ETNK2: variants seen among roughly 807,000 people sequenced by gnomAD.
ETNK2 encodes ethanolamine kinase 2.
Under a neutral mutation model 46.2 loss-of-function variants are expected in ETNK2, and 33 were observed. That is an observed-to-expected ratio of 0.71 (90% confidence interval 0.54 to 0.96). The LOEUF (loss-of-function observed/expected upper bound fraction) is 0.96. Among genes scored for constraint, ETNK2 ranks in the 40% least tolerant of loss-of-function variants. The pLI is 0.00. For missense variants in ETNK2, 445 were observed against 509.7 expected, an observed-to-expected ratio of 0.87 and a Z score of 1.22; for synonymous variants, 194 against 209.0, an observed-to-expected ratio of 0.93 and a Z score of 0.62.
intron 2 of ETNK2, chr1:204,147,649 A>C (rs557674071): frequency 8.3e-6 from 4 of 483,324 alleles, no homozygotes; most frequent in Admixed American, 2.2e-5. Flanking sequence ...TCACTGGGAA[A>C]GACAACAAAG....
intron 3 of ETNK2, among the ~76,000 whole-genome samples, chr1:204,143,630 G>T (rs1344651676): frequency 1.3e-5 from 2 of 152,222 alleles, no homozygotes; most frequent in East Asian, 3.8e-4. Flanking sequence ...AGGAGGGGAA[G>T]GAAGGGGCTG....
At position 204,137,153 on chromosome 1, in the gene ETNK2, GTC is replaced by G; in HGVS notation, c.963_964del (p.Thr322ProfsTer38). Reference sequence around the variant, plus strand: ...GTAGAGCCTTTGCACCTCCCTGGGGGTCACGGCCATCCCCTTTTGTGCCTGCA... The same window carrying G: ...GTAGAGCCTTTGCACCTCCCTGGGGGACGGCCATCCCCTTTTGTGCCTGCA... On this transcript the variant is annotated frameshift_variant, in exon 6 of 8. Transcript: ENST00000367202. LOFTEE classifies it high-confidence loss of function. 1 of 1,613,958 alleles carries G rather than the reference GTC, an allele frequency of 6.2e-7. No individual in the cohort carries two copies. Among genetic ancestry groups the G allele is most frequent in the Non-Finnish European group, 8.5e-7 (1 of 1,179,842 alleles).
rs1657943562 is a variant in ETNK2 at position 204,149,981 on chromosome 1, A to G, written c.259-19T>C. Reference sequence around the variant, plus strand: ...TGAAGCGCTAGCATGGGGAGAGGACAGTGCGTGGGTGGGTGGGTGGGGCAG... The same window carrying G: ...TGAAGCGCTAGCATGGGGAGAGGACGGTGCGTGGGTGGGTGGGTGGGGCAG... On this transcript the variant is annotated intron_variant, in intron 1 of 7. Coordinates refer to ENST00000367202, the MANE Select transcript of ETNK2 (RefSeq NM_018208.4). 1.7e-5 allele frequency: 2 copies of G among 116,570 alleles called. No individual in the cohort carries two copies. Among genetic ancestry groups the G allele is most frequent in the Non-Finnish European group, 3.5e-5 (2 of 56,712 alleles). 7.2% of individuals were successfully genotyped at this position (116,570 alleles called of 1,614,324 possible). A position where few individuals can be genotyped will look rare whatever the true frequency, so the allele number is the denominator to read the frequency against.
intron 3 of ETNK2, among the ~76,000 whole-genome samples, chr1:204,144,724 A>G (rs113944737): frequency 0.059 from 8,924 of 151,402 alleles, 322 homozygotes; most frequent in South Asian, 0.12. Context: ...CCCCGCCCCC[A>G]AACCCTTCCC....
At chr1:204,136,732 G>T (rs1244042061) in intron 6 of ETNK2, among the ~76,000 whole-genome samples, 1 of 148,480 alleles carries the variant, frequency 6.7e-6, no homozygotes, top group Non-Finnish European at 1.5e-5. Flanking sequence ...AAAAAAAAAA[G>T]TATATATACA....
chr1:204,151,697 C>G lies in ETNK2; in HGVS notation c.156G>C (p.Ala52=). 6.5e-7 allele frequency: 1 copy of G among 1,545,564 alleles called. No individual in the cohort carries two copies. The change falls in exon 1 of 8, where the codon GCG becomes GCC. Residue 52 remains alanine, a synonymous_variant. Coordinates refer to ENST00000367202, the MANE Select transcript of ETNK2 (RefSeq NM_018208.4). The surrounding 1 kb of genome is among the most constrained non-coding windows in gnomAD (Gnocchi z 8.0). The part of the protein sequence containing the change: ...PPGPPRAAAV[A]YFGISVDPDD... ...CCGGGTCCACGGAAATGCCGAAGTA[C>G]GCGACGGCGGCGGCCCTCGGGGGGC...
At chr1:204,140,814 C>T (rs868306709) in intron 4 of ETNK2, among the ~76,000 whole-genome samples, 3 of 139,090 alleles carry the variant, frequency 2.2e-5, no homozygotes, top group East Asian at 2.2e-4. Flanking sequence ...TGAGCCACCG[C>T]GCCTGGCCAG....
chr1:204,135,832 G>A (rs1212395771), intron 6 of ETNK2, among the ~76,000 whole-genome samples: 1 of 152,218 alleles, frequency 6.6e-6, no homozygotes, highest in East Asian at 1.9e-4. Flanking sequence ...CTTCTGTACT[G>A]TGAAATTCAA....
At chr1:204,148,431 G>T (rs545944849) in intron 2 of ETNK2, among the ~76,000 whole-genome samples, 14 of 152,208 alleles carry the variant, frequency 9.2e-5, no homozygotes, top group South Asian at 2.1e-4. Flanking sequence ...GCTGGGGGGA[G>T]TGCAGTGGCA....
At chr1:204,144,365 A>AAAAAAAAAAAAAAAAAAAAAAAC (rs1558236282) in intron 3 of ETNK2, among the ~76,000 whole-genome samples, 1 of 150,066 alleles carries the variant, frequency 6.7e-6, no homozygotes, top group African/African-American at 2.4e-5. Flanking sequence ...AAAAAAAAAA[A>AAAAAAAAAAAAAAAAAAAAAAAC]AAAAGCCATT....
chr1:204,134,451 C>T, intron 7 of ETNK2, 64 bp downstream of exon 7: 1 of 1,569,618 alleles, frequency 6.4e-7, no homozygotes, highest in Non-Finnish European at 8.7e-7. Context: ...GTCCTTTGCC[C>T]ACACCCTGGG....
At chr1:204,137,437 C>T (rs1453446473) in intron 5 of ETNK2, among the ~76,000 whole-genome samples, 188 bp from the exon 6 acceptor site, 1 of 152,170 alleles carries the variant, frequency 6.6e-6, no homozygotes, top group Non-Finnish European at 1.5e-5. Flanking sequence ...GGGTCTACCC[C>T]ATCCCAGCTA....
rs748662740 is a variant in ETNK2, at chr1:204,132,147, G to T, written c.*37C>A. 2.5e-5 allele frequency: 38 copies of T among 1,513,472 alleles called. No individual in the cohort carries two copies. In the South Asian group the frequency reaches 4.3e-4, roughly 17 times the overall value. 93.8% of individuals were successfully genotyped at this position (1,513,472 alleles called of 1,614,324 possible). A position where few individuals can be genotyped will look rare whatever the true frequency, so the allele number is the denominator to read the frequency against. ...AATTGAGCTCTGGAGAACAGGTCTG[G>T]CCAGACAGATGGGTAGGGGAGGGAT... On this transcript the variant is annotated 3_prime_UTR_variant, in exon 8 of 8. Transcript: ENST00000367202.
chr1:204,141,181 T>A, intron 4 of ETNK2, 134 bp downstream of exon 4: 1 of 1,119,324 alleles, frequency 8.9e-7, no homozygotes, highest in Non-Finnish European at 1.3e-6. Context: ...CCTTCCCTCC[T>A]ACAAATTAAC....
intron 4 of ETNK2, 172 bp downstream of exon 4, chr1:204,141,143 A>G (rs1453692413): frequency 1.6e-5 from 14 of 861,986 alleles, no homozygotes; most frequent in Non-Finnish European, 7.7e-6. Flanking sequence ...CAGACTTTTC[A>G]AAGTGGGAAT....
chr1:204,137,222 T>A lies in ETNK2; in HGVS notation c.896A>T (p.Tyr299Phe). ...CTGCAGCTGGGTCTCCCGCGCCGGG[T>A]ACAGGCAGTAATCCACCTCATTCAC... ...AGVNEVDYCLYPARETQLQWL... is the reference protein window; with the variant it reads ...AGVNEVDYCLFPARETQLQWL... Residue 299 changes from tyrosine (Y) to phenylalanine (F), a missense_variant, in exon 6 of 8, where the codon TAC (tyrosine) becomes TTC (phenylalanine). Coordinates refer to ENST00000367202, the MANE Select transcript of ETNK2 (RefSeq NM_018208.4). 2 of 1,613,814 alleles carry A rather than the reference T, an allele frequency of 1.2e-6. No homozygotes were observed. The highest frequency in any genetic ancestry group is 2.2e-5 in the East Asian group (1 of 44,858).
chr1:204,134,788 G>C, intron 6 of ETNK2, 200 bp from the exon 7 acceptor site: 1 of 1,227,508 alleles, frequency 8.1e-7, no homozygotes. Flanking sequence ...ACTCCTGCTA[G>C]AGAAAGGTGG....
intron 7 of ETNK2, among the ~76,000 whole-genome samples, chr1:204,134,115 A>G (rs1340760020): frequency 6.6e-6 from 1 of 152,234 alleles, no homozygotes; most frequent in African/African-American, 2.4e-5. Flanking sequence ...GGCTTCAGCA[A>G]GTCACTTCTG....
At chr1:204,150,057 A>G (rs1657947209) in intron 1 of ETNK2, 95 bp from the exon 2 acceptor site, 3 of 1,373,990 alleles carry the variant, frequency 2.2e-6, no homozygotes, top group African/African-American at 1.4e-5. Context: ...GGAGGTGCTC[A>G]TTTGAATGCC....
Sources: gnomAD v4.1 joint callset for allele counts (sites outside exome capture counted in the v4.1 genomes callset) on GRCh38, gnomAD v4.1.1 for gene constraint, Gnocchi (gnomAD v3.1) non-coding constraint, MANE v1.5 for transcripts, NCBI Gene and HGNC (gene_info 2026-07-23, HGNC 2026-07-21) for gene names.